MGST2: variants seen among roughly 807,000 people sequenced by gnomAD.
The protein encoded by MGST2 is microsomal glutathione S-transferase 2, also known as glutathione peroxidase MGST2.
In MGST2, 9 loss-of-function variants were observed where a neutral mutation model predicts 16.6. The observed-to-expected ratio is 0.54, with a 90% CI of 0.33 to 0.95. The LOEUF (loss-of-function observed/expected upper bound fraction) is 0.95, where lower values mean the gene tolerates loss of function less well. Among genes scored for constraint, MGST2 ranks in the 40% least tolerant of loss-of-function variants. The pLI is 0.03. For synonymous variants in MGST2, 79 were observed against 68.0 expected, an observed-to-expected ratio of 1.16 and a Z score of -0.79; for missense variants, 159 against 175.1, an observed-to-expected ratio of 0.91 and a Z score of 0.52.
chr4:139,727,332 T>C (rs1369354219), intron 5 of MGST2, among the ~76,000 whole-genome samples: 1 of 152,204 alleles, frequency 6.6e-6, no homozygotes, highest in Non-Finnish European at 1.5e-5. Context: ...TAGGCAGCAA[T>C]AGAAGGGCAT....
Position 139,701,579 on chromosome 4 carries a change from G to A in MGST2, c.230-1876G>A, listed in dbSNP as rs142229940. 8.3e-3 allele frequency among the ~76,000 whole-genome samples: 1,264 copies of A among 152,086 alleles called. 13 individuals are homozygous for A. The highest frequency in any genetic ancestry group is 0.028 in the African/African-American group (1,150 of 41,496). ...CTTCTCATTTTTTTCTTTGTTGTCT[G>A]TCTTTGCTGAGAGAATGTATACTCT... On this transcript the variant is annotated intron_variant, in intron 3 of 4. Transcript: ENST00000265498.
intron 2 of MGST2, among the ~76,000 whole-genome samples, chr4:139,679,742 C>T (rs558384675): frequency 7.2e-5 from 11 of 152,134 alleles, no homozygotes; most frequent in East Asian, 1.9e-4. Flanking sequence ...CGGGAGTACA[C>T]GAGATAATTG....
chr4:139,726,657 A>G (rs1043029922), intron 5 of MGST2, among the ~76,000 whole-genome samples: 3 of 151,070 alleles, frequency 2.0e-5, no homozygotes, highest in African/African-American at 7.2e-5. Context: ...ATGAAGCCAC[A>G]CTGCCTGTAA....
chr4:139,695,404 C>A (rs1429152940), intron 3 of MGST2, 137 bp downstream of exon 3: 2 of 722,160 alleles, frequency 2.8e-6, no homozygotes, highest in African/African-American at 3.5e-5. Flanking sequence ...GGTGGATCAC[C>A]TGAGGTCAGG....
At chr4:139,717,121 CT>C (rs1266484721) in intron 5 of MGST2, 1 of 152,576 alleles carries the variant, frequency 6.6e-6, no homozygotes. Context: ...GTACAAATAA[CT>C]TTTTTTAGAC....
intron 1 of MGST2, among the ~76,000 whole-genome samples, chr4:139,673,703 C>T (rs1031011593): frequency 1.2e-4 from 19 of 152,078 alleles, no homozygotes; most frequent in African/African-American, 2.9e-4. Context: ...TGTGAACCAC[C>T]ATGCCTAAAT....
chr4:139,703,463 A>T lies in MGST2; in HGVS notation c.238A>T (p.Thr80Ser). The T allele has an allele frequency of 6.2e-7, 1 of 1,613,172 alleles. No homozygotes were observed. The highest frequency in any genetic ancestry group is 1.1e-5 in the South Asian group (1 of 91,030). ...AGWYFNQVFA[T>S]CLGLVYIYGR... Reference sequence around the variant, plus strand: ...TTCCCACCCCCCTATAGTTTTTGCTACTTGTCTGGGTCTGGTGTACATATA... The same window carrying T: ...TTCCCACCCCCCTATAGTTTTTGCTTCTTGTCTGGGTCTGGTGTACATATA... Residue 80 changes from threonine (T) to serine (S), a missense_variant, in exon 4 of 5, where the codon ACT becomes TCT. Coordinates refer to ENST00000265498, the MANE Select transcript of MGST2 (RefSeq NM_002413.5).
chr4:139,680,468 C>T (rs1352195565), intron 2 of MGST2, among the ~76,000 whole-genome samples: 2 of 152,142 alleles, frequency 1.3e-5, no homozygotes, highest in Non-Finnish European at 2.9e-5. Flanking sequence ...CTGCCTGAGT[C>T]CTCCACTTTT....
intron 3 of MGST2, among the ~76,000 whole-genome samples, chr4:139,703,169 A>AC (rs544498853): frequency 0.015 from 2,250 of 150,692 alleles, 34 homozygotes; most frequent in African/African-American, 0.047. Flanking sequence ...CAAGTGATTC[A>AC]CCCCCCCTCG....
At chr4:139,673,412 TTTA>T (rs149023024) in intron 1 of MGST2, among the ~76,000 whole-genome samples, 12,258 of 152,062 alleles carry the variant, frequency 0.081, 1,042 homozygotes, top group African/African-American at 0.22. Context: ...TAAAATTTTA[TTTA>T]TTTTATTGTT....
intron 1 of MGST2, among the ~76,000 whole-genome samples, chr4:139,670,091 C>A (rs183625730): frequency 1.6e-3 from 250 of 152,094 alleles, no homozygotes; most frequent in African/African-American, 5.8e-3. Flanking sequence ...GGTCTGGTTT[C>A]TAGGTAGATA....
intron 1 of MGST2, among the ~76,000 whole-genome samples, chr4:139,675,501 T>C (rs966176308): frequency 8.5e-5 from 13 of 152,194 alleles, no homozygotes; most frequent in African/African-American, 3.1e-4. Flanking sequence ...AGTCATACTG[T>C]TTTATAACAG....
intron 5 of MGST2, chr4:139,718,353 G>A (rs953722903): frequency 2.0e-5 from 3 of 152,188 alleles, no homozygotes; most frequent in African/African-American, 4.8e-5. Flanking sequence ...AAAGACATAA[G>A]CTTCACTTCT....
At chr4:139,693,018 T>C (rs992679395) in intron 2 of MGST2, among the ~76,000 whole-genome samples, 2 of 152,226 alleles carry the variant, frequency 1.3e-5, no homozygotes, top group Admixed American at 1.3e-4. Flanking sequence ...AATAAAGATA[T>C]GTTGTGGAAA....
chr4:139,678,565 A>C lies in MGST2; in HGVS notation c.81A>C (p.Gly27=). The change falls in exon 2 of 5, where the codon GGA becomes GGC. Residue 27 remains glycine, a synonymous_variant. Coordinates refer to ENST00000265498, the MANE Select transcript of MGST2 (RefSeq NM_002413.5). ...CAGGTTATTTTGCTTTGCAAGTTGG[A>C]AAGGCAAGATTAAAATACAAAGTTA... ...CQQSYFALQV[G]KARLKYKVTP... The C allele has an allele frequency of 3.1e-6, 5 of 1,614,082 alleles. No individual in the cohort carries two copies. The highest frequency in any genetic ancestry group is 4.2e-6 in the Non-Finnish European group (5 of 1,179,984).
downstream of MGST2, among the ~76,000 whole-genome samples, chr4:139,705,992 G>A (rs992311119): frequency 2.0e-5 from 3 of 152,112 alleles, no homozygotes; most frequent in African/African-American, 7.2e-5. Context: ...TCAGGAAAAG[G>A]GCTTGAGTCT....
At chr4:139,733,239 C>G (rs1253255167) in intron 5 of MGST2, among the ~76,000 whole-genome samples, 1 of 152,202 alleles carries the variant, frequency 6.6e-6, no homozygotes, top group African/African-American at 2.4e-5. Flanking sequence ...ATATTTGATA[C>G]TTTCCAGTTT....
chr4:139,694,692 C>T (rs1049307298), intron 2 of MGST2, among the ~76,000 whole-genome samples: 29 of 152,132 alleles, frequency 1.9e-4, no homozygotes, highest in African/African-American at 6.8e-4. Flanking sequence ...CTCTGCAATG[C>T]ATGTCAGTCT....
chr4:139,667,708 A>G (rs1730442019), intron 1 of MGST2, among the ~76,000 whole-genome samples: 1 of 151,846 alleles, frequency 6.6e-6, no homozygotes, highest in Non-Finnish European at 1.5e-5. Context: ...AAATACACAA[A>G]TTTGCTGGAC....
Sources: gnomAD v4.1 joint callset for allele counts (sites outside exome capture counted in the v4.1 genomes callset) on GRCh38, gnomAD v4.1.1 for gene constraint, MANE v1.5 for transcripts, NCBI Gene and HGNC (gene_info 2026-07-23, HGNC 2026-07-21) for gene names.